Variants in TMEM135 observed in about 807,000 individuals in gnomAD.
TMEM135 encodes peroxisomal membrane protein 52.
TMEM135 carries 30 observed loss-of-function variants against 60.3 expected under a neutral mutation model. The observed-to-expected ratio is 0.50, with a 90% CI of 0.37 to 0.68. TMEM135 has a LOEUF of 0.68. TMEM135 is among the 30% of genes least tolerant of loss of function. The probability of loss-of-function intolerance (pLI) is 0.00; values close to 1 mark genes in which losing one functional copy is unlikely to be tolerated. For synonymous variants in TMEM135, 190 were observed against 186.7 expected (o/e 1.02, Z -0.14); for missense variants, 468 against 548.8 (o/e 0.85, Z 1.47).
intron 6 of TMEM135, chr11:87,258,716 G>C: frequency 2.6e-6 from 1 of 391,228 alleles, no homozygotes; most frequent in East Asian, 5.7e-5. Context: ...GACAATGTGG[G>C]GAGATTTCTT....
intron 3 of TMEM135, among the ~76,000 whole-genome samples, chr11:87,087,779 C>G (rs529967056): frequency 6.6e-6 from 1 of 152,244 alleles, no homozygotes; most frequent in South Asian, 2.1e-4. Context: ...TCTTGTTACC[C>G]AGGCTTGAGT....
intron 5 of TMEM135, among the ~76,000 whole-genome samples, chr11:87,212,824 GAAA>G (rs60084755): frequency 0.17 from 18,097 of 105,382 alleles, 1,149 homozygotes; most frequent in Middle Eastern, 0.2. Context: ...CCTGATTTTG[GAAA>G]AAAAAAAAAA....
At chr11:87,115,992 A>T (rs773013904) in intron 4 of TMEM135, among the ~76,000 whole-genome samples, 1 of 152,106 alleles carries the variant, frequency 6.6e-6, no homozygotes, top group Non-Finnish European at 1.5e-5. Flanking sequence ...ATATAGATTA[A>T]TGGTAAATTT....
chr11:87,210,722 C>T (rs1430399161), intron 5 of TMEM135, among the ~76,000 whole-genome samples: 2 of 152,088 alleles, frequency 1.3e-5, no homozygotes, highest in Non-Finnish European at 2.9e-5. Flanking sequence ...GCCAATATCC[C>T]TGATGAATAT....
At chr11:87,212,937 G>A (rs1468140331) in intron 5 of TMEM135, among the ~76,000 whole-genome samples, 1 of 151,444 alleles carries the variant, frequency 6.6e-6, no homozygotes, top group Non-Finnish European at 1.5e-5. Flanking sequence ...TTACAAATTA[G>A]TAATTACTAA....
In TMEM135 at chr11:87,285,777, C is replaced by A. The variant is rs572392856; in HGVS notation, c.510-10005C>A. ...TGACTCTGGCAGCTTGCTTTTTTCC[C>A]CTTATCTGGCCCCACCCTCATCCTG... On this transcript the variant is annotated intron_variant, in intron 6 of 14. Transcript: ENST00000305494. Among the ~76,000 whole-genome samples the A allele has an allele frequency of 9.8e-5, 15 of 152,312 alleles. No homozygotes were observed. In the Middle Eastern group the frequency reaches 0.01, roughly 104 times the overall value.
intron 4 of TMEM135, among the ~76,000 whole-genome samples, chr11:87,102,708 A>ATATG (rs1357964503): frequency 1.1e-5 from 1 of 90,658 alleles, no homozygotes; most frequent in Non-Finnish European, 2.3e-5. Flanking sequence ...ATATATGTAT[A>ATATG]TATATGTATA....
intron 4 of TMEM135, among the ~76,000 whole-genome samples, chr11:87,116,829 G>GTT (rs954106382): frequency 6.9e-6 from 1 of 144,388 alleles, no homozygotes; most frequent in African/African-American, 2.5e-5. Flanking sequence ...ATTATGGTTT[G>GTT]TTTTTTTTTT....
In TMEM135 at chr11:87,327,418, C is replaced by G. The variant is rs1195489746; in HGVS notation, c.*6085C>G. 1 of 453,926 alleles carries G rather than the reference C, an allele frequency of 2.2e-6. No individual in the cohort carries two copies. The highest frequency in any genetic ancestry group is 4.4e-6 in the Non-Finnish European group (1 of 226,794). 28.1% of individuals were successfully genotyped at this position (453,926 alleles called of 1,614,324 possible). On this transcript the variant is annotated 3_prime_UTR_variant, in exon 15 of 15. Transcript: ENST00000305494. Reference sequence around the variant, plus strand: ...TGCTTCTGTGAGCCACTGAATGGTGCCATTAACCATCTGCATTTGAGCATT... The same window carrying G: ...TGCTTCTGTGAGCCACTGAATGGTGGCATTAACCATCTGCATTTGAGCATT...
intron 4 of TMEM135, among the ~76,000 whole-genome samples, chr11:87,147,093 A>T (rs144519741): frequency 6.5e-4 from 99 of 152,268 alleles, no homozygotes; most frequent in African/African-American, 2.0e-3. Flanking sequence ...AAGCCGAGAC[A>T]GGGGGATCAC....
chr11:87,166,724 G>T (rs1487829666), intron 5 of TMEM135, among the ~76,000 whole-genome samples: 1 of 150,182 alleles, frequency 6.7e-6, no homozygotes, highest in African/African-American at 2.5e-5. Context: ...AGTATAGTTT[G>T]AAGTAAGGTA....
intron 5 of TMEM135, among the ~76,000 whole-genome samples, chr11:87,195,327 TTCCTTCCTTCCTTCC>T: frequency 3.0e-5 from 1 of 33,222 alleles, no homozygotes; most frequent in Non-Finnish European, 7.1e-5. Flanking sequence ...CCTTCCTTCC[TTCCTTCCTTCCTTCC>T]TTCCTTCCTT....
rs1208295867 is a variant in TMEM135 at position 87,309,511 on chromosome 11, A to C, written c.775A>C (p.Ile259Leu). The C allele has an allele frequency of 1.2e-6, 2 of 1,613,740 alleles. No individual in the cohort carries two copies. Among genetic ancestry groups the C allele is most frequent in the East Asian group, 2.2e-5 (1 of 44,844 alleles). ...NCISYCIKGF[I>L]RMFSVGYLIQ... ...TTCTCCAAATTTCCTCTAGGGTTTC[A>C]TCAGAATGTTTAGCGTGGGGTACTT... The change falls in exon 10 of 15, where the codon ATC becomes CTC. Residue 259 changes from isoleucine to leucine, a missense_variant. Transcript: ENST00000305494.
chr11:87,158,110 G>A (rs1375115539), intron 5 of TMEM135, among the ~76,000 whole-genome samples: 4 of 152,050 alleles, frequency 2.6e-5, no homozygotes, highest in Non-Finnish European at 4.4e-5. Flanking sequence ...TATTTTTGAG[G>A]AGATGGGGTC....
At chr11:87,321,047 C>G (rs1166922308) in intron 14 of TMEM135, among the ~76,000 whole-genome samples, 154 bp from the exon 15 acceptor site, 2 of 152,062 alleles carry the variant, frequency 1.3e-5, no homozygotes, top group African/African-American at 4.8e-5. Context: ...CGAAGAAGAG[C>G]CTTCATGTGA....
intron 8 of TMEM135, among the ~76,000 whole-genome samples, chr11:87,303,384 G>A (rs768236781): frequency 6.1e-4 from 93 of 152,150 alleles, no homozygotes; most frequent in Non-Finnish European, 3.8e-4. Context: ...ATTCTCTTCC[G>A]TGAAACCGGT....
At chr11:87,069,926 C>G (rs1364145926) in intron 2 of TMEM135, among the ~76,000 whole-genome samples, 1 of 151,938 alleles carries the variant, frequency 6.6e-6, no homozygotes, top group African/African-American at 2.4e-5. Context: ...TATCTCAGCA[C>G]TTTGGGAGGC....
At chr11:87,258,025 C>T (rs1366032525) in intron 6 of TMEM135, among the ~76,000 whole-genome samples, 1 of 151,708 alleles carries the variant, frequency 6.6e-6, no homozygotes, top group Non-Finnish European at 1.5e-5. Context: ...AGAATACATT[C>T]CAATTTAGTA....
intron 4 of TMEM135, among the ~76,000 whole-genome samples, chr11:87,151,326 A>G (rs546396592): frequency 2.0e-5 from 3 of 152,058 alleles, no homozygotes; most frequent in Non-Finnish European, 4.4e-5. Flanking sequence ...TGCTGTTATA[A>G]TTTCTTAGAG....
Sources: allele counts gnomAD v4.1 joint callset (sites outside exome capture counted in the v4.1 genomes callset), GRCh38; gene constraint gnomAD v4.1.1; transcripts MANE v1.5; gene names NCBI Gene and HGNC (gene_info 2026-07-23, HGNC 2026-07-21).